WDR36: variants seen among roughly 807,000 people sequenced by gnomAD.
WDR36 encodes the protein WD repeat domain 36.
A neutral mutation model predicts 112.7 loss-of-function variants in WDR36; 63 were observed. The ratio of observed to expected loss-of-function variants is 0.56; its 90% CI spans 0.46 to 0.69. The LOEUF is 0.69. Among genes scored for constraint, WDR36 ranks in the 30% least tolerant of loss-of-function variants. The pLI is 0.00. For missense variants in WDR36, 1,226 were observed against 1,070.3 expected (o/e 1.15, Z -2.03); for synonymous variants, 410 against 362.2 (o/e 1.13, Z -1.50).
At chr5:111,124,279 G>A in intron 21 of WDR36, 90 bp downstream of exon 21, 1 of 1,109,540 alleles carries the variant, frequency 9.0e-7, no homozygotes. Flanking sequence ...AGCGTTCTCA[G>A]TAGTTAAGAT....
rs549690991 is a variant in WDR36, at chr5:111,128,455, T to G, written c.*1572T>G. The stretch of plus-strand genomic sequence containing the variant: ...ACTGACAGAAATGTTAATCATGACT[T>G]AAGTTCTAATTTAAAAAACTATTTT... On this transcript the variant is annotated 3_prime_UTR_variant, in exon 23 of 23. Coordinates refer to ENST00000513710, the MANE Select transcript of WDR36 (RefSeq NM_139281.3). 5.5e-6 allele frequency: 1 copy of G among 180,960 alleles called. No individual in the cohort carries two copies. The highest frequency in any genetic ancestry group is 2.0e-4 in the South Asian group (1 of 5,062). The allele number at this position is 180,960 out of a possible 1,614,324, so 11.2% of individuals were successfully genotyped here.
At chr5:111,099,985 A>G (rs1753086990) in intron 4 of WDR36, among the ~76,000 whole-genome samples, 1 of 152,052 alleles carries the variant, frequency 6.6e-6, no homozygotes. Flanking sequence ...ATGTAACCAA[A>G]GATTTCAGAG....
At position 111,107,567 on chromosome 5, in the gene WDR36, A is replaced by T. The variant is rs533234356; in HGVS notation, c.1326+128A>T. 3.2e-6 allele frequency: 4 copies of T among 1,234,536 alleles called. No homozygotes were observed. In the South Asian group the frequency reaches 5.7e-5, roughly 18 times the overall value. The allele number at this position is 1,234,536 out of a possible 1,614,324, so 76.5% of individuals were successfully genotyped here. On this transcript the variant is annotated intron_variant, in intron 12 of 22. Transcript: ENST00000513710. Reference sequence around the variant, plus strand: ...GTTTAACATTTTAAAGCATTGCATAACCCAAAGCCACAAAAATTTGCTCCT... The same window carrying T: ...GTTTAACATTTTAAAGCATTGCATATCCCAAAGCCACAAAAATTTGCTCCT...
intron 4 of WDR36, 45 bp from the exon 5 acceptor site, chr5:111,100,544 T>C: frequency 7.6e-7 from 1 of 1,308,086 alleles, no homozygotes; most frequent in South Asian, 1.4e-5. Flanking sequence ...CATAAAACAT[T>C]TTAAACTATT....
chr5:111,112,546 C>T (rs1013920235), intron 15 of WDR36, among the ~76,000 whole-genome samples: 1 of 152,008 alleles, frequency 6.6e-6, no homozygotes, highest in Non-Finnish European at 1.5e-5. Context: ...TTGTGCCTCA[C>T]AACCCTTAGG....
intron 17 of WDR36, among the ~76,000 whole-genome samples, chr5:111,119,801 C>T (rs1354721309): frequency 6.6e-6 from 1 of 152,000 alleles, no homozygotes; most frequent in African/African-American, 2.4e-5. Context: ...ACCCTGTTCA[C>T]CTTAATTTGT....
In WDR36 at chr5:111,098,859, T is replaced by G. The variant is rs868441879; in HGVS notation, c.409+20T>G. ...CAGAAGGTAAGAGTTAACTCATTTA[T>G]TTGCTTTATCTTAGGGTAGTATGTG... On this transcript the variant is annotated intron_variant, in intron 4 of 22. Coordinates refer to ENST00000513710, the MANE Select transcript of WDR36 (RefSeq NM_139281.3). 5 of 1,478,442 alleles carry G rather than the reference T, an allele frequency of 3.4e-6. No individual in the cohort carries two copies. The Middle Eastern group carries it at 8.7e-4, about 256-fold the overall frequency. The allele number at this position is 1,478,442 out of a possible 1,614,324, so 91.6% of individuals were successfully genotyped here. A position where few individuals can be genotyped will look rare whatever the true frequency, so the allele number is the denominator to read the frequency against.
chr5:111,098,899 A>C, intron 4 of WDR36, 60 bp downstream of exon 4: 1 of 1,200,916 alleles, frequency 8.3e-7, no homozygotes, highest in Non-Finnish European at 1.2e-6. Flanking sequence ...ATTAAAATTT[A>C]AAATCTATGT....
chr5:111,098,871 T>G, intron 4 of WDR36, 32 bp downstream of exon 4: 1 of 1,373,112 alleles, frequency 7.3e-7, no homozygotes, highest in Non-Finnish European at 1.0e-6. Context: ...TGCTTTATCT[T>G]AGGGTAGTAT....
At chr5:111,119,998 A>G (rs1317482597) in intron 17 of WDR36, among the ~76,000 whole-genome samples, 1 of 152,018 alleles carries the variant, frequency 6.6e-6, no homozygotes, top group Non-Finnish European at 1.5e-5. Context: ...CTGTCCCCTA[A>G]AAGACCGGTA....
intron 19 of WDR36, among the ~76,000 whole-genome samples, chr5:111,123,256 A>G (rs925888616): frequency 2.0e-5 from 3 of 152,200 alleles, no homozygotes; most frequent in African/African-American, 7.2e-5. Flanking sequence ...GTTTTCTTGA[A>G]TTTTAAAAGC....
chr5:111,116,754 A>C (rs1727254549), intron 16 of WDR36, among the ~76,000 whole-genome samples: 1 of 152,216 alleles, frequency 6.6e-6, no homozygotes. Context: ...TGGTGGTTTT[A>C]TATAATGGAA....
At position 111,130,392 on chromosome 5, in the gene WDR36, T is replaced by TTTCTC. The variant is rs1319391313; in HGVS notation, c.*3513_*3517dup. 5.5e-6 allele frequency: 1 copy of TTTCTC among 182,504 alleles called. No individual in the cohort carries two copies. Among genetic ancestry groups the TTTCTC allele is most frequent in the African/African-American group, 2.4e-5 (1 of 42,464 alleles). The allele number at this position is 182,504 out of a possible 1,614,324, so 11.3% of individuals were successfully genotyped here. A position where few individuals can be genotyped will look rare whatever the true frequency, so the allele number is the denominator to read the frequency against. On this transcript the variant is annotated 3_prime_UTR_variant, in exon 23 of 23. Transcript: ENST00000513710. ...CTGTGTTGTTCAAAGATCATTTGTATTTCTCTTCAAGAACAATGAATGTCT... is the reference window on the plus strand; with the variant it reads ...CTGTGTTGTTCAAAGATCATTTGTATTTCTCTTCTCTTCAAGAACAATGAATGTCT...
Position 111,128,209 on chromosome 5 carries a change from C to T in WDR36, c.*1326C>T, listed in dbSNP as rs376317466. On this transcript the variant is annotated 3_prime_UTR_variant, in exon 23 of 23. Transcript: ENST00000513710. ...AAACACAGTGGTTTGAATATGAACA[C>T]CAGTAGCATTCTCGTTCGTTGTTAG... 80 of 190,514 alleles carry T rather than the reference C, an allele frequency of 4.2e-4. 1 individual carries two copies. The South Asian group carries it at 0.015, about 36-fold the overall frequency. 11.8% of individuals were successfully genotyped at this position (190,514 alleles called of 1,614,324 possible).
chr5:111,104,907 A>G, intron 9 of WDR36, 90 bp downstream of exon 9: 3 of 1,576,980 alleles, frequency 1.9e-6, no homozygotes, highest in Non-Finnish European at 2.6e-6. Context: ...ACATACTTAG[A>G]TTCACATATC....
At chr5:111,102,228 G>A (rs1753133921) in intron 5 of WDR36, 117 bp from the exon 6 acceptor site, 1 of 765,782 alleles carries the variant, frequency 1.3e-6, no homozygotes, top group Admixed American at 2.6e-5. Flanking sequence ...ATAGTGTGTG[G>A]AAGAGTAAGA....
At position 111,126,961 on chromosome 5, in the gene WDR36, A is replaced by G. The variant is rs878883431; in HGVS notation, c.*78A>G. 9 of 1,358,690 alleles carry G rather than the reference A, an allele frequency of 6.6e-6. No homozygotes were observed. The highest frequency in any genetic ancestry group is 5.9e-5 in the African/African-American group (4 of 67,760). The allele number at this position is 1,358,690 out of a possible 1,614,324, so 84.2% of individuals were successfully genotyped here. A position where few individuals can be genotyped will look rare whatever the true frequency, so the allele number is the denominator to read the frequency against. On this transcript the variant is annotated 3_prime_UTR_variant, in exon 23 of 23. Transcript: ENST00000513710. ...CTCATTTCTTATTTTCCAAGTGTCAATGTGAAAAGAAAATAAATGCTAGCA... is the reference window on the plus strand; with the variant it reads ...CTCATTTCTTATTTTCCAAGTGTCAGTGTGAAAAGAAAATAAATGCTAGCA...
chr5:111,128,614 AATC>A lies in WDR36; in HGVS notation c.*1734_*1736del, dbSNP rs1248786798. The A allele has an allele frequency of 1.7e-5, 3 of 181,066 alleles. No homozygotes were observed. Among genetic ancestry groups the A allele is most frequent in the African/African-American group, 7.1e-5 (3 of 42,496 alleles). 11.2% of individuals were successfully genotyped at this position (181,066 alleles called of 1,614,324 possible). ...GAACTGAAATTGTATTGCTTACAGA[AATC>A]ATGAACCGAATTTTCTTCTCTTTTT... On this transcript the variant is annotated 3_prime_UTR_variant, in exon 23 of 23. Transcript: ENST00000513710.
rs1753105979 is a variant in WDR36 at position 111,100,733 on chromosome 5, A to C, written c.542+12A>C. The C allele has an allele frequency of 6.2e-7, 1 of 1,606,442 alleles. No individual in the cohort carries two copies. The highest frequency in any genetic ancestry group is 1.7e-5 in the Admixed American group (1 of 59,710). ...AATGTAAAATCCAAGTAAGTATTTTAGTTAGAAAATAATATAGCTGTCACC... is the reference window on the plus strand; with the variant it reads ...AATGTAAAATCCAAGTAAGTATTTTCGTTAGAAAATAATATAGCTGTCACC... On this transcript the variant is annotated intron_variant, in intron 5 of 22. Transcript: ENST00000513710.
Sources: allele counts gnomAD v4.1 joint callset (sites outside exome capture counted in the v4.1 genomes callset), GRCh38; gene constraint gnomAD v4.1.1; transcripts MANE v1.5; gene names NCBI Gene and HGNC (gene_info 2026-07-23, HGNC 2026-07-21).